The following NALF1 variants were observed in gnomAD, a reference collection of about 807,000 sequenced individuals.
NALF1 encodes the protein NALCN channel auxiliary factor 1, also known as family with sequence similarity 155 member A.
NALF1 carries 3 observed loss-of-function variants against 48.4 expected under a neutral mutation model. The ratio of observed to expected loss-of-function variants is 0.06; its 90% CI spans 0.03 to 0.16. The LOEUF (loss-of-function observed/expected upper bound fraction) is 0.16, where lower values mean the gene tolerates loss of function less well. Among genes scored for constraint, NALF1 ranks in the 10% least tolerant of loss-of-function variants. The pLI, the probability that NALF1 is intolerant of heterozygous loss-of-function variation, is 1.00. For synonymous variants in NALF1, 262 were observed against 245.7 expected (o/e 1.07, Z -0.62); for missense variants, 526 against 571.5 (o/e 0.92, Z 0.81).
rs1195005145 is a variant in NALF1, at chr13:107,758,518, G to A, written c.915+107164C>T. Among the ~76,000 whole-genome samples the A allele has an allele frequency of 2.6e-5, 4 of 152,050 alleles. 1 individual carries two copies. The highest frequency in any genetic ancestry group is 9.7e-5 in the African/African-American group (4 of 41,388). On this transcript the variant is annotated intron_variant, in intron 1 of 2. Transcript: ENST00000375915. ...GGGCGGATCATGAGGTCAGGAGATAGAGACCATCCTGGCTAACATAGTGAA... is the reference window on the plus strand; with the variant it reads ...GGGCGGATCATGAGGTCAGGAGATAAAGACCATCCTGGCTAACATAGTGAA...
intron 1 of NALF1, among the ~76,000 whole-genome samples, chr13:107,597,893 ATC>A (rs774713019): frequency 2.5e-4 from 38 of 152,186 alleles, no homozygotes; most frequent in Non-Finnish European, 7.4e-5. Flanking sequence ...CCAAATTTTC[ATC>A]TCTGTTAAGA....
intron 1 of NALF1, among the ~76,000 whole-genome samples, chr13:107,276,083 T>C (rs2138868348): frequency 6.6e-6 from 1 of 152,224 alleles, no homozygotes; most frequent in African/African-American, 2.4e-5. Context: ...CCACTACCTG[T>C]TACTCTCCTA....
intron 1 of NALF1, among the ~76,000 whole-genome samples, chr13:107,576,646 AG>A (rs1249956721): frequency 6.6e-6 from 1 of 152,234 alleles, no homozygotes; most frequent in African/African-American, 2.4e-5. Context: ...TAGGTGACTC[AG>A]GGAAGGCTTC....
At chr13:107,790,979 A>G (rs1878214318) in intron 1 of NALF1, among the ~76,000 whole-genome samples, 1 of 152,158 alleles carries the variant, frequency 6.6e-6, no homozygotes. Flanking sequence ...TCCTAAGATA[A>G]TCCTGGAAGG....
chr13:107,183,281 A>G (rs1282914813), intron 2 of NALF1, among the ~76,000 whole-genome samples: 1 of 152,218 alleles, frequency 6.6e-6, no homozygotes, highest in East Asian at 1.9e-4. Context: ...CACAGCTGGC[A>G]GTGCACACGT....
chr13:107,175,739 G>C (rs1410178697), intron 2 of NALF1, among the ~76,000 whole-genome samples: 1 of 152,076 alleles, frequency 6.6e-6, no homozygotes, highest in Admixed American at 6.6e-5. Context: ...GACACCCTTG[G>C]GACCTGGGGG....
chr13:107,186,641 T>C (rs1424823293), intron 2 of NALF1, among the ~76,000 whole-genome samples: 1 of 152,198 alleles, frequency 6.6e-6, no homozygotes, highest in Non-Finnish European at 1.5e-5. Flanking sequence ...ATTGGGATTA[T>C]AGGTGTGAGC....
At chr13:107,416,119 G>T (rs1343970775) in intron 1 of NALF1, among the ~76,000 whole-genome samples, 4 of 150,976 alleles carry the variant, frequency 2.6e-5, no homozygotes, top group Non-Finnish European at 2.9e-5. Context: ...CCATTCTCCT[G>T]CCTCAGCCTC....
chr13:107,543,327 T>C (rs1877042811), intron 1 of NALF1, among the ~76,000 whole-genome samples: 1 of 151,864 alleles, frequency 6.6e-6, no homozygotes, highest in Admixed American at 6.6e-5. Context: ...ACAACAACCA[T>C]AAAACAAAAC....
intron 1 of NALF1, among the ~76,000 whole-genome samples, chr13:107,815,259 G>C (rs1169174160): frequency 1.4e-5 from 2 of 147,172 alleles, no homozygotes; most frequent in African/African-American, 5.1e-5. Flanking sequence ...TCATGTAACT[G>C]ATTTTTTTTA....
intron 1 of NALF1, among the ~76,000 whole-genome samples, chr13:107,757,419 T>C (rs1000302313): frequency 7.2e-5 from 10 of 138,824 alleles, no homozygotes; most frequent in South Asian, 4.3e-4. Flanking sequence ...TCATTTCTTT[T>C]TTTTTTTTTT....
intron 1 of NALF1, among the ~76,000 whole-genome samples, chr13:107,614,756 CTTTT>C (rs1215449676): frequency 6.6e-6 from 1 of 150,714 alleles, no homozygotes; most frequent in South Asian, 2.1e-4. Context: ...TCCTGCATCT[CTTTT>C]TTTCTTTTTT....
chr13:107,652,854 G>T (rs748441787), intron 1 of NALF1, among the ~76,000 whole-genome samples: 3 of 152,032 alleles, frequency 2.0e-5, no homozygotes, highest in African/African-American at 4.8e-5. Context: ...ATTACTTTTA[G>T]ATTATCTCTT....
rs1555329321 is a variant in NALF1 at position 107,262,769 on chromosome 13, GCTCT to G, written c.916-52018_916-52015del. ...ATATTAAGTTGCATAACCCACAGGC[GCTCT>G]CTCTCTCTCTCTCTCTCTCTCTCTC... On this transcript the variant is annotated intron_variant, in intron 1 of 2. Coordinates refer to ENST00000375915, the MANE Select transcript of NALF1 (RefSeq NM_001080396.3). Among the ~76,000 whole-genome samples, 317 of 144,116 alleles carry G rather than the reference GCTCT, an allele frequency of 2.2e-3. 3 individuals carry two copies. The highest frequency in any genetic ancestry group is 7.6e-3 in the African/African-American group (289 of 37,808). 94.5% of individuals were successfully genotyped at this position (144,116 alleles called of 152,430 possible).
At chr13:107,792,828 G>A (rs907330188) in intron 1 of NALF1, among the ~76,000 whole-genome samples, 1 of 151,738 alleles carries the variant, frequency 6.6e-6, no homozygotes, top group African/African-American at 2.4e-5. Flanking sequence ...TGTTTGTTTA[G>A]ACACAGGGTC....
intron 1 of NALF1, among the ~76,000 whole-genome samples, chr13:107,363,563 C>T (rs1004550434): frequency 6.6e-6 from 1 of 152,200 alleles, no homozygotes; most frequent in African/African-American, 2.4e-5. Context: ...CACAACACTG[C>T]AGTCCAGCCT....
intron 1 of NALF1, among the ~76,000 whole-genome samples, chr13:107,818,369 T>C (rs1566494159): frequency 6.6e-6 from 1 of 151,816 alleles, no homozygotes; most frequent in Non-Finnish European, 1.5e-5. Context: ...TTTACAGGAG[T>C]TTCTGGGGAC....
intron 1 of NALF1, among the ~76,000 whole-genome samples, chr13:107,230,031 T>C (rs1275483348): frequency 6.6e-6 from 1 of 152,196 alleles, no homozygotes; most frequent in African/African-American, 2.4e-5. Flanking sequence ...AATTAGTATT[T>C]TGGTGAAATC....
At chr13:107,509,862 G>T (rs1039311253) in intron 1 of NALF1, among the ~76,000 whole-genome samples, 3 of 152,080 alleles carry the variant, frequency 2.0e-5, no homozygotes, top group Admixed American at 1.3e-4. Context: ...CTTGAGTGCA[G>T]TGGTGCAATC....
Sources: gnomAD v4.1 joint callset for allele counts (sites outside exome capture counted in the v4.1 genomes callset) on GRCh38, gnomAD v4.1.1 for gene constraint, MANE v1.5 for transcripts, NCBI Gene and HGNC (gene_info 2026-07-23, HGNC 2026-07-21) for gene names.